Variants in SUN1 observed in about 807,000 individuals in gnomAD.
SUN1 encodes SUN domain-containing protein 1.
A neutral mutation model predicts 103.2 loss-of-function variants in SUN1; 61 were observed. The observed-to-expected ratio is 0.59, with a 90% CI of 0.48 to 0.73. The LOEUF (loss-of-function observed/expected upper bound fraction) is 0.73, where lower values mean the gene tolerates loss of function less well. Ranked by LOEUF, SUN1 falls within the 30% of genes least tolerant of loss-of-function variation. The pLI is 0.00. For missense variants in SUN1, 1,052 were observed against 1,034.6 expected (o/e 1.02, Z -0.23); for synonymous variants, 490 against 425.7 (o/e 1.15, Z -1.86).
chr7:853,069 A>T (rs1411679695), intron 9 of SUN1, 117 bp downstream of exon 9: 1 of 1,359,354 alleles, frequency 7.4e-7, no homozygotes, highest in Non-Finnish European at 9.8e-7. Context: ...AAGTATTTTT[A>T]AATGTCAGAT....
intron 15 of SUN1, among the ~76,000 whole-genome samples, chr7:864,406 T>C (rs981208629): frequency 8.6e-5 from 13 of 151,412 alleles, no homozygotes; most frequent in African/African-American, 2.2e-4. Context: ...AAAAAAAAAT[T>C]ATCCGGGTGT....
Position 824,818 on chromosome 7 carries a change from C to CT in SUN1, c.-74+8146dup, listed in dbSNP as rs1158823111. 4.0e-5 allele frequency among the ~76,000 whole-genome samples: 6 copies of CT among 150,594 alleles called. No homozygotes were observed. The East Asian group carries it at 9.9e-4, about 25-fold the overall frequency. ...ACTATCTGTCGATATGGCTTTGCTG[C>CT]TGATGGGGTGTGCTGGGAGGCAGTC... On this transcript the variant is annotated intron_variant, in intron 1 of 17. Transcript: ENST00000389574.
intron 11 of SUN1, among the ~76,000 whole-genome samples, chr7:855,731 C>T (rs1284952320): frequency 1.3e-5 from 2 of 152,084 alleles, no homozygotes; most frequent in South Asian, 2.1e-4. Context: ...TACCCGCCTG[C>T]GAGGGTCTGC....
intron 15 of SUN1, among the ~76,000 whole-genome samples, 166 bp from the exon 16 acceptor site, chr7:865,786 G>C (rs1008487978): frequency 1.3e-5 from 2 of 152,166 alleles, no homozygotes; most frequent in Admixed American, 6.5e-5. Context: ...CATTGTAACT[G>C]GGGGGAGAAG....
In SUN1 at chr7:839,558, C is replaced by CT. The variant is rs749073086; in HGVS notation, c.266+581dup. Among the ~76,000 whole-genome samples, 395 of 44,686 alleles carry CT rather than the reference C, an allele frequency of 8.8e-3. 102 individuals carry two copies. The highest frequency in any genetic ancestry group is 0.063 in the East Asian group (44 of 694). The allele number at this position is 44,686 out of a possible 152,430, so 29.3% of individuals were successfully genotyped here. The stretch of plus-strand genomic sequence containing the variant: ...CCGCCACCACGCCTGGCAAATTTTC[C>CT]TTTTTTTTTGAGACAGAGTCTCACT... On this transcript the variant is annotated intron_variant, in intron 2 of 18. Coordinates refer to ENST00000401592, the MANE Select transcript of SUN1 (RefSeq NM_001130965.3).
chr7:854,000 G>A (rs4416731), intron 10 of SUN1, among the ~76,000 whole-genome samples: 127,825 of 151,896 alleles, frequency 0.84, 54,353 homozygotes, highest in East Asian at 1. Flanking sequence ...AAACCGTCTC[G>A]TGTGGGTCCC....
Position 860,334 on chromosome 7 carries a change from C to G in SUN1, c.1731C>G (p.Ala577=). The change falls in exon 14 of 19, where the codon GCC becomes GCG. Residue 577 remains alanine (A), a synonymous_variant. Coordinates refer to ENST00000401592, the MANE Select transcript of SUN1 (RefSeq NM_001130965.3). The part of the protein sequence containing the change: ...SVTKQLPTSE[A]VVSAVSEAGA... Reference sequence around the variant, plus strand: ...CCAAGCAGCTCCCAACCTCAGAAGCCGTGGTGTCTGCTGTGAGCGAGGCGG... The same window carrying G: ...CCAAGCAGCTCCCAACCTCAGAAGCGGTGGTGTCTGCTGTGAGCGAGGCGG... 1 of 1,614,198 alleles carries G rather than the reference C, an allele frequency of 6.2e-7. No individual in the cohort carries two copies. The highest frequency in any genetic ancestry group is 8.5e-7 in the Non-Finnish European group (1 of 1,180,050).
chr7:825,098 A>G (rs528203185), intron 1 of SUN1, among the ~76,000 whole-genome samples: 55 of 151,738 alleles, frequency 3.6e-4, no homozygotes, highest in Middle Eastern at 3.4e-3. Context: ...TTGCTCGGTC[A>G]CCCAGGCTGG....
chr7:817,315 C>G, intron 1 of SUN1: 2 of 1,085,028 alleles, frequency 1.8e-6, no homozygotes, highest in Non-Finnish European at 2.7e-6. Flanking sequence ...GGTCGGACTC[C>G]TAGGCTCAAG....
intron 1 of SUN1, chr7:817,611 C>CATA: frequency 7.8e-7 from 1 of 1,283,334 alleles, no homozygotes; most frequent in East Asian, 2.5e-5. Flanking sequence ...AAGCTTCAGT[C>CATA]ATAGTATTGC....
At chr7:848,433 A>G (rs1471569330) in intron 5 of SUN1, 1 of 1,359,978 alleles carries the variant, frequency 7.4e-7, no homozygotes, top group Non-Finnish European at 9.8e-7. Context: ...GCGTCTTTCT[A>G]CGTGAATAGG....
At chr7:859,960 A>G (rs1374518548) in intron 13 of SUN1, among the ~76,000 whole-genome samples, 168 bp from the exon 14 acceptor site, 1 of 152,162 alleles carries the variant, frequency 6.6e-6, no homozygotes, top group Non-Finnish European at 1.5e-5. Flanking sequence ...ATGGTCCTGC[A>G]TTATTGGAGG....
chr7:852,335 A>G, intron 7 of SUN1: 1 of 595,414 alleles, frequency 1.7e-6, no homozygotes, highest in Non-Finnish European at 2.9e-6. Context: ...CAGTGGCATC[A>G]GTCACCTCAG....
rs765339998 is a variant in SUN1 at position 843,389 on chromosome 7, C to T, written c.527C>T (p.Ala176Val). The T allele has an allele frequency of 2.5e-6, 4 of 1,610,432 alleles. No individual in the cohort carries two copies. The South Asian group carries it at 4.4e-5, about 18-fold the overall frequency. The change falls in exon 5 of 19, where the codon GCC becomes GTC. Residue 176 changes from alanine to valine, a missense_variant. Physicochemically the swap from Ala to Val is moderately conservative, Grantham distance 64. Around this residue, in one of 2 missense-constraint regions of SUN1, gnomAD observed 846 missense variants for 774.5 expected, o/e 1.09. Transcript: ENST00000401592. Reference protein sequence around the residue: ...IQGNGDVGAAAATAHNGFSCS... With the variant: ...IQGNGDVGAAVATAHNGFSCS... ...GGAAACGGGGATGTGGGAGCCGCCG[C>T]CGCCACCGCGCACAACGGCTTCTCC...
intron 11 of SUN1, among the ~76,000 whole-genome samples, chr7:855,444 G>T (rs1308215678): frequency 1.3e-5 from 2 of 152,256 alleles, no homozygotes; most frequent in Non-Finnish European, 2.9e-5. Context: ...AATGCCAGGG[G>T]AGGGACTGGG....
chr7:856,234 C>A, intron 11 of SUN1, 124 bp from the exon 12 acceptor site: 1 of 937,850 alleles, frequency 1.1e-6, no homozygotes, highest in Non-Finnish European at 1.6e-6. Flanking sequence ...CACCCACAGG[C>A]AGATCTGGAC....
chr7:823,563 A>G (rs1261334516), intron 1 of SUN1, among the ~76,000 whole-genome samples: 1 of 152,140 alleles, frequency 6.6e-6, no homozygotes, highest in African/African-American at 2.4e-5. Flanking sequence ...GGTGGATTCT[A>G]AGGCACGGAT....
At chr7:852,493 G>A in intron 7 of SUN1, 116 bp from the exon 8 acceptor site, 1 of 1,245,198 alleles carries the variant, frequency 8.0e-7, no homozygotes, top group Non-Finnish European at 1.2e-6. Context: ...AACCGTAACT[G>A]CTTTTCTAAT....
At position 842,135 on chromosome 7, in the gene SUN1, G is replaced by A; in HGVS notation, c.451+5G>A. ...CCACAGTGGACCACTTCTGGGGTGAGTCCCTGCGAGACACAGATTGTCCCG... is the reference window on the plus strand; with the variant it reads ...CCACAGTGGACCACTTCTGGGGTGAATCCCTGCGAGACACAGATTGTCCCG... On this transcript the variant is annotated splice_donor_5th_base_variant and intron_variant, in intron 3 of 18. Transcript: ENST00000401592. The A allele has an allele frequency of 6.2e-7, 1 of 1,608,000 alleles. No homozygotes were observed. The highest frequency in any genetic ancestry group is 8.5e-7 in the Non-Finnish European group (1 of 1,174,978).
Sources: gnomAD v4.1 joint callset for allele counts (sites outside exome capture counted in the v4.1 genomes callset) on GRCh38, gnomAD v4.1.1 for gene constraint, gnomAD v4.1.1 regional missense constraint, MANE v1.5 for transcripts, NCBI Gene and HGNC (gene_info 2026-07-23, HGNC 2026-07-21) for gene names.